The following TMEM161B variants were observed in gnomAD, a reference collection of about 807,000 sequenced individuals.
TMEM161B encodes the protein transmembrane protein 161B.
Under a neutral mutation model 61.8 loss-of-function variants are expected in TMEM161B, and 34 were observed. The observed-to-expected ratio is 0.55, with a 90% confidence interval of 0.42 to 0.73. The LOEUF (loss-of-function observed/expected upper bound fraction) is 0.73, where lower values mean the gene tolerates loss of function less well. TMEM161B is among the 30% of genes least tolerant of loss of function. TMEM161B has a pLI of 0.00. For missense variants in TMEM161B, 456 were observed against 558.5 expected, an observed-to-expected ratio of 0.82 and a Z score of 1.85; for synonymous variants, 167 against 192.8, an observed-to-expected ratio of 0.87 and a Z score of 1.11.
At chr5:88,267,228 G>T (rs1756503475) in intron 1 of TMEM161B, among the ~76,000 whole-genome samples, 1 of 152,092 alleles carries the variant, frequency 6.6e-6, no homozygotes, top group East Asian at 1.9e-4. Context: ...AAATGGGGAT[G>T]GAAGAGTGAT....
At chr5:88,263,193 T>C (rs1755907606) in intron 1 of TMEM161B, among the ~76,000 whole-genome samples, 1 of 151,454 alleles carries the variant, frequency 6.6e-6, no homozygotes, top group Non-Finnish European at 1.5e-5. Flanking sequence ...TGCTACAATG[T>C]CACCTCCTCA....
intron 5 of TMEM161B, among the ~76,000 whole-genome samples, chr5:88,208,868 T>C (rs780300371): frequency 1.7e-4 from 26 of 152,170 alleles, no homozygotes; most frequent in Non-Finnish European, 3.7e-4. Flanking sequence ...ACATAAAATC[T>C]TTTCAAAACA....
At chr5:88,252,489 C>T (rs1340493935) in intron 1 of TMEM161B, among the ~76,000 whole-genome samples, 1 of 152,024 alleles carries the variant, frequency 6.6e-6, no homozygotes, top group East Asian at 1.9e-4. Flanking sequence ...AGATAAATGT[C>T]GTTGAAACAA....
At chr5:88,217,739 C>A (rs1250343116) in intron 5 of TMEM161B, among the ~76,000 whole-genome samples, 1 of 152,022 alleles carries the variant, frequency 6.6e-6, no homozygotes, top group African/African-American at 2.4e-5. Flanking sequence ...CCATATGATT[C>A]AGCAACTTAC....
chr5:88,186,543 T>G (rs1224635666), downstream of TMEM161B, among the ~76,000 whole-genome samples: 1 of 152,200 alleles, frequency 6.6e-6, no homozygotes, highest in East Asian at 1.9e-4. Context: ...TGTCTCGTTT[T>G]GCAAGTATTT....
At chr5:88,220,358 G>A (rs1240109446) in intron 5 of TMEM161B, among the ~76,000 whole-genome samples, 3 of 151,924 alleles carry the variant, frequency 2.0e-5, no homozygotes, top group African/African-American at 7.3e-5. Context: ...ACTTGGATAA[G>A]AAAAAGCAGG....
At chr5:88,264,949 G>C (rs1265925308) in intron 1 of TMEM161B, among the ~76,000 whole-genome samples, 1 of 151,964 alleles carries the variant, frequency 6.6e-6, no homozygotes, top group East Asian at 1.9e-4. Context: ...GGGGGGCAAG[G>C]GGAGGGAGAG....
At chr5:88,236,587 G>A (rs567553009) in intron 2 of TMEM161B, among the ~76,000 whole-genome samples, 1 of 152,136 alleles carries the variant, frequency 6.6e-6, no homozygotes, top group African/African-American at 2.4e-5. Context: ...CCTTATATGA[G>A]GGAAAGCAGT....
In TMEM161B at chr5:88,225,202, C is replaced by G. The variant is rs528351298; in HGVS notation, c.289+567G>C. Among the ~76,000 whole-genome samples the G allele has an allele frequency of 1.1e-4, 17 of 152,226 alleles. 1 individual carries two copies. In the South Asian group the frequency reaches 3.3e-3, roughly 30 times the overall value. ...CAGGATGGTCTCGATCTCCTGACCT[C>G]ATGATCCGCCCGCCTTGGCCTCCCA... On this transcript the variant is annotated intron_variant, in intron 4 of 11. Transcript: ENST00000296595.
rs1748783856 is a variant in TMEM161B at position 88,220,735 on chromosome 5, A to G, written c.290-16T>C. ...TAATGCAATGCTGGAAAGAAAAAAA[A>G]AAAAAAAAAAAAAAAAGGTCAAAAA... On this transcript the variant is annotated splice_polypyrimidine_tract_variant and intron_variant, in intron 4 of 11. Coordinates refer to ENST00000296595, the MANE Select transcript of TMEM161B (RefSeq NM_153354.5). 2 of 1,509,516 alleles carry G rather than the reference A, an allele frequency of 1.3e-6. No homozygotes were observed. The highest frequency in any genetic ancestry group is 2.2e-4 in the Middle Eastern group (1 of 4,544). The allele number at this position is 1,509,516 out of a possible 1,614,324, so 93.5% of individuals were successfully genotyped here. A position where few individuals can be genotyped will look rare whatever the true frequency, so the allele number is the denominator to read the frequency against.
intron 1 of TMEM161B, among the ~76,000 whole-genome samples, chr5:88,258,223 A>C (rs1755242583): frequency 6.6e-6 from 1 of 152,192 alleles, no homozygotes; most frequent in Non-Finnish European, 1.5e-5. Context: ...TGACTAGAAA[A>C]CATATTTTGT....
At chr5:88,239,322 T>C (rs1752369183) in intron 2 of TMEM161B, among the ~76,000 whole-genome samples, 1 of 151,994 alleles carries the variant, frequency 6.6e-6, no homozygotes, top group Non-Finnish European at 1.5e-5. Context: ...CATTACATCA[T>C]AAACATAGTT....
chr5:88,214,700 T>A (rs1747490768), intron 5 of TMEM161B, among the ~76,000 whole-genome samples: 1 of 152,192 alleles, frequency 6.6e-6, no homozygotes, highest in East Asian at 1.9e-4. Context: ...TTTCTTTACC[T>A]TTCTCCTTCC....
chr5:88,258,512 T>C (rs1381658972), intron 1 of TMEM161B, among the ~76,000 whole-genome samples: 1 of 152,184 alleles, frequency 6.6e-6, no homozygotes, highest in Non-Finnish European at 1.5e-5. Context: ...ATGTCATGCT[T>C]TCTCTCTTGA....
At chr5:88,204,582 C>G (rs562905788) in intron 8 of TMEM161B, among the ~76,000 whole-genome samples, 3 of 152,140 alleles carry the variant, frequency 2.0e-5, no homozygotes, top group Admixed American at 2.0e-4. Flanking sequence ...GTGAAGGGCT[C>G]CCCTCCACCC....
chr5:88,188,090 C>T (rs1252156494), downstream of TMEM161B, among the ~76,000 whole-genome samples: 1 of 151,934 alleles, frequency 6.6e-6, no homozygotes, highest in Non-Finnish European at 1.5e-5. Flanking sequence ...GAAAACATTA[C>T]AAATGATTTC....
rs183888482 is a variant in TMEM161B at position 88,203,043 on chromosome 5, A to G, written c.833T>C (p.Leu278Ser). Residue 278 changes from leucine to serine, a missense_variant, in exon 9 of 12, where the codon TTA becomes TCA. Leu to Ser is a moderately radical substitution (Grantham distance 145). This residue lies in a region of TMEM161B where 367 missense variants were observed against 427.3 expected (regional missense o/e 0.86). Transcript: ENST00000296595. ...TLLHINFLAPLFMVLLWVKPI... is the reference protein window; with the variant it reads ...TLLHINFLAPSFMVLLWVKPI... Reference sequence around the variant, plus strand: ...TTTTACCCAGAGCAGAACCATAAATAAAGGTGCCAAGAAGTTGATATGAAG... The same window carrying G: ...TTTTACCCAGAGCAGAACCATAAATGAAGGTGCCAAGAAGTTGATATGAAG... 1.2e-6 allele frequency: 2 copies of G among 1,609,526 alleles called. No individual in the cohort carries two copies. Among genetic ancestry groups the G allele is most frequent in the Non-Finnish European group, 1.7e-6 (2 of 1,176,316 alleles).
downstream of TMEM161B, among the ~76,000 whole-genome samples, chr5:88,190,679 T>C (rs1461380089): frequency 1.3e-5 from 2 of 152,192 alleles, no homozygotes; most frequent in East Asian, 3.8e-4. Flanking sequence ...TTGTGGAGTT[T>C]CCATACTGCT....
chr5:88,260,806 T>C (rs541153218), intron 1 of TMEM161B, among the ~76,000 whole-genome samples: 24 of 152,338 alleles, frequency 1.6e-4, no homozygotes, highest in Middle Eastern at 6.8e-3. Flanking sequence ...AGAATTTTTT[T>C]AATTGAAATA....
Sources: gnomAD v4.1 joint callset for allele counts (sites outside exome capture counted in the v4.1 genomes callset) on GRCh38, gnomAD v4.1.1 for gene constraint, gnomAD v4.1.1 regional missense constraint, MANE v1.5 for transcripts, NCBI Gene and HGNC (gene_info 2026-07-23, HGNC 2026-07-21) for gene names.